The following NRG1 variants were observed in gnomAD, a reference collection of about 807,000 sequenced individuals.
NRG1 encodes neuregulin 1.
In NRG1, 18 loss-of-function variants were observed where a neutral mutation model predicts 63.8. The ratio of observed to expected loss-of-function variants is 0.28; its 90% CI spans 0.19 to 0.42. NRG1 has a LOEUF of 0.42. Among genes scored for constraint, NRG1 ranks in the 10% least tolerant of loss-of-function variants. The pLI, the probability that NRG1 is intolerant of heterozygous loss-of-function variation, is 1.00. For synonymous variants in NRG1, 302 were observed against 301.3 expected (o/e 1.00, Z -0.02); for missense variants, 762 against 814.7 (o/e 0.94, Z 0.79).
chr8:31,700,402 C>A (rs1810514022), intron 1 of NRG1, among the ~76,000 whole-genome samples: 1 of 152,098 alleles, frequency 6.6e-6, no homozygotes, highest in African/African-American at 2.4e-5. Flanking sequence ...CAAAGCCTAA[C>A]CTAGGATGAG....
At chr8:32,178,478 T>G (rs1585874384) in intron 1 of NRG1, among the ~76,000 whole-genome samples, 1 of 152,026 alleles carries the variant, frequency 6.6e-6, no homozygotes, top group Admixed American at 6.6e-5. Context: ...GGTGTGGTGG[T>G]GCAAGCCTGT....
chr8:32,260,755 A>C (rs568326205), intron 1 of NRG1, among the ~76,000 whole-genome samples: 2 of 152,280 alleles, frequency 1.3e-5, no homozygotes, highest in South Asian at 4.1e-4. Context: ...AAGGAGCTTC[A>C]TGCTCTCTGT....
intron 1 of NRG1, among the ~76,000 whole-genome samples, chr8:31,979,851 A>T (rs1808796669): frequency 6.6e-6 from 1 of 152,100 alleles, no homozygotes; most frequent in Non-Finnish European, 1.5e-5. Flanking sequence ...TCAATGAAGC[A>T]TTCTATTCAA....
intron 1 of NRG1, among the ~76,000 whole-genome samples, chr8:31,735,798 C>A (rs1814605871): frequency 6.6e-6 from 1 of 152,144 alleles, no homozygotes; most frequent in Non-Finnish European, 1.5e-5. Context: ...TGTTTTCTAG[C>A]AGATCAGGAT....
At chr8:32,337,682 A>AAAAT (rs1554511693) in intron 1 of NRG1, among the ~76,000 whole-genome samples, 2 of 116,632 alleles carry the variant, frequency 1.7e-5, no homozygotes, top group Non-Finnish European at 3.8e-5. Flanking sequence ...AAAAAAAAAA[A>AAAAT]GCTGATGCAG....
chr8:31,759,013 G>A (rs147474852), intron 1 of NRG1, among the ~76,000 whole-genome samples: 53 of 152,040 alleles, frequency 3.5e-4, no homozygotes, highest in African/African-American at 1.2e-3. Context: ...TAATGATGTT[G>A]GATAACTTTT....
rs1352423543 is a variant in NRG1 at position 32,141,592 on chromosome 8, G to GTGTA, written c.38-454235_38-454234insGTAT. On this transcript the variant is annotated intron_variant, in intron 1 of 10. Transcript: ENST00000519301. Reference sequence around the variant, plus strand: ...ATATATACATATCCTATGTGTGTGGGTATATATATATATATATATATATAT... The same window carrying GTGTA: ...ATATATACATATCCTATGTGTGTGGGTGTATATATATATATATATATATATATAT... 9.8e-5 allele frequency among the ~76,000 whole-genome samples: 7 copies of GTGTA among 71,782 alleles called. No individual in the cohort carries two copies. The South Asian group carries it at 3.3e-3, about 34-fold the overall frequency. The allele number at this position is 71,782 out of a possible 152,430, so 47.1% of individuals were successfully genotyped here. A position where few individuals can be genotyped will look rare whatever the true frequency, so the allele number is the denominator to read the frequency against.
intron 5 of NRG1, among the ~76,000 whole-genome samples, chr8:32,631,704 G>C (rs1434064253): frequency 1.3e-5 from 2 of 152,104 alleles, no homozygotes; most frequent in African/African-American, 4.8e-5. Context: ...ATTTATAGTA[G>C]ATATAAATAA....
chr8:31,661,175 A>G (rs545504973), intron 1 of NRG1, among the ~76,000 whole-genome samples: 1 of 152,236 alleles, frequency 6.6e-6, no homozygotes, highest in Non-Finnish European at 1.5e-5. Context: ...GAATAAACTC[A>G]TAGAGCTGTT....
intron 1 of NRG1, among the ~76,000 whole-genome samples, chr8:31,854,370 T>G (rs1016312332): frequency 6.6e-6 from 1 of 152,246 alleles, no homozygotes; most frequent in Admixed American, 6.5e-5. Flanking sequence ...AATTTATCCA[T>G]TTCTTCTAGA....
intron 1 of NRG1, among the ~76,000 whole-genome samples, chr8:32,401,851 A>G (rs1252808876): frequency 6.6e-6 from 1 of 152,208 alleles, no homozygotes; most frequent in African/African-American, 2.4e-5. Flanking sequence ...GGGTACCTGT[A>G]TAACAAACCT....
At chr8:31,742,579 C>T (rs1815409046) in intron 1 of NRG1, among the ~76,000 whole-genome samples, 1 of 146,320 alleles carries the variant, frequency 6.8e-6, no homozygotes, top group Non-Finnish European at 1.5e-5. Flanking sequence ...TTTTCCCTAT[C>T]ATGTCTTGTA....
chr8:31,680,510 T>G (rs1298050672), intron 1 of NRG1, among the ~76,000 whole-genome samples: 1 of 151,628 alleles, frequency 6.6e-6, no homozygotes, highest in African/African-American at 2.4e-5. Flanking sequence ...ATGGTGTATA[T>G]GTGCCACATT....
intron 1 of NRG1, among the ~76,000 whole-genome samples, chr8:31,845,160 A>G (rs1356282385): frequency 6.6e-6 from 1 of 152,078 alleles, no homozygotes; most frequent in African/African-American, 2.4e-5. Context: ...CAAAGCTTCT[A>G]TGAATTCTCC....
intron 4 of NRG1, among the ~76,000 whole-genome samples, chr8:32,615,404 C>T (rs955693355): frequency 6.6e-5 from 10 of 151,962 alleles, no homozygotes; most frequent in African/African-American, 2.4e-4. Flanking sequence ...TACAAAAATT[C>T]TTAAATTTCA....
chr8:32,763,061 A>G (rs1414744227), intron 11 of NRG1, among the ~76,000 whole-genome samples: 1 of 152,244 alleles, frequency 6.6e-6, no homozygotes, highest in Admixed American at 6.5e-5. Context: ...AGGTTCTCTC[A>G]GGCTTACCTT....
At chr8:32,653,324 A>G (rs1380768023) in intron 5 of NRG1, among the ~76,000 whole-genome samples, 1 of 152,148 alleles carries the variant, frequency 6.6e-6, no homozygotes, top group African/African-American at 2.4e-5. Context: ...TTGCTTTCTT[A>G]TACATATACC....
intron 1 of NRG1, among the ~76,000 whole-genome samples, chr8:31,642,988 G>T (rs1163093356): frequency 6.6e-6 from 1 of 151,834 alleles, no homozygotes; most frequent in East Asian, 1.9e-4. Flanking sequence ...AAGTGTGTGT[G>T]TGTGTGTGTG....
At chr8:32,117,871 A>G (rs1832942453) in intron 1 of NRG1, among the ~76,000 whole-genome samples, 1 of 152,124 alleles carries the variant, frequency 6.6e-6, no homozygotes, top group Non-Finnish European at 1.5e-5. Context: ...AAAAAGTGCC[A>G]TGGTCTAATA....
Sources: gnomAD v4.1 joint callset for allele counts (sites outside exome capture counted in the v4.1 genomes callset) on GRCh38, gnomAD v4.1.1 for gene constraint, MANE v1.5 for transcripts, NCBI Gene and HGNC (gene_info 2026-07-23, HGNC 2026-07-21) for gene names.